The following MLLT10 variants were observed in gnomAD, a reference collection of about 807,000 sequenced individuals.
MLLT10 encodes the protein protein AF-10.
Under a neutral mutation model 129.1 loss-of-function variants are expected in MLLT10, and 30 were observed. The ratio of observed to expected loss-of-function variants is 0.23; its 90% CI spans 0.17 to 0.32. The LOEUF is 0.32. Ranked by LOEUF, MLLT10 falls within the 10% of genes least tolerant of loss-of-function variation. The pLI, the probability that MLLT10 is intolerant of heterozygous loss-of-function variation, is 1.00. For missense variants in MLLT10, 1,119 were observed against 1,268.3 expected (o/e 0.88, Z 1.79); for synonymous variants, 490 against 446.4 (o/e 1.10, Z -1.23).
At chr10:21,708,655 T>A in intron 13 of MLLT10, 1 of 985,266 alleles carries the variant, frequency 1.0e-6, no homozygotes, top group Non-Finnish European at 1.2e-6. Context: ...CGTAATTTCG[T>A]ATGTAAGTAT....
intron 5 of MLLT10, among the ~76,000 whole-genome samples, chr10:21,598,441 G>A (rs2043211152): frequency 6.6e-6 from 1 of 152,102 alleles, no homozygotes; most frequent in African/African-American, 2.4e-5. Context: ...TTTTTGGTGA[G>A]AATAATATTT....
intron 3 of MLLT10, among the ~76,000 whole-genome samples, chr10:21,575,328 C>T (rs1214740189): frequency 6.6e-6 from 1 of 152,004 alleles, no homozygotes. Flanking sequence ...TCCTGGGTAG[C>T]TTAGATTACA....
chr10:21,566,727 A>G (rs560451845), intron 3 of MLLT10, among the ~76,000 whole-genome samples: 2 of 149,428 alleles, frequency 1.3e-5, no homozygotes, highest in African/African-American at 4.9e-5. Context: ...ACCCCAATTC[A>G]CTGTGCCAAA....
chr10:21,733,922 C>T lies in MLLT10; in HGVS notation c.2651C>T (p.Pro884Leu). 6.2e-7 allele frequency: 1 copy of T among 1,614,184 alleles called. No homozygotes were observed. Among genetic ancestry groups the T allele is most frequent in the Non-Finnish European group, 8.5e-7 (1 of 1,180,032 alleles). Reference protein sequence around the residue: ...TVGALASGMQPVTSTIPAVSA... With the variant: ...TVGALASGMQLVTSTIPAVSA... ...GGGGCACTAGCTAGTGGAATGCAGC[C>T]TGTAACTTCCACCATTCCTGCCGTG... Residue 884 changes from proline to leucine, a missense_variant, in exon 20 of 23, where the codon CCT becomes CTT. Around this residue, in one of 5 missense-constraint regions of MLLT10, gnomAD observed 1,004 missense variants for 1,008.7 expected, o/e 1.00. Transcript: ENST00000307729.
At chr10:21,666,997 A>C (rs2050871464) in intron 9 of MLLT10, among the ~76,000 whole-genome samples, 1 of 152,058 alleles carries the variant, frequency 6.6e-6, no homozygotes, top group African/African-American at 2.4e-5. Context: ...TTTAGCATTT[A>C]TTGTAGTGTT....
At chr10:21,696,853 C>T (rs952430435) in intron 13 of MLLT10, among the ~76,000 whole-genome samples, 1 of 151,990 alleles carries the variant, frequency 6.6e-6, no homozygotes, top group Non-Finnish European at 1.5e-5. Context: ...TCTTTCAGGG[C>T]GTCGTCCACA....
chr10:21,735,100 G>C, intron 20 of MLLT10, 39 bp from the exon 21 acceptor site: 1 of 1,420,490 alleles, frequency 7.0e-7, no homozygotes. Context: ...ATGCATTAGA[G>C]GTGTGTAGTA....
intron 13 of MLLT10, chr10:21,708,828 C>A: frequency 1.3e-6 from 1 of 750,842 alleles, no homozygotes; most frequent in Non-Finnish European, 1.6e-6. Context: ...CTGGTAGTTA[C>A]AACAGTGTAC....
chr10:21,652,030 A>C (rs1167517831), intron 9 of MLLT10, among the ~76,000 whole-genome samples: 1 of 147,468 alleles, frequency 6.8e-6, no homozygotes, highest in Non-Finnish European at 1.5e-5. Flanking sequence ...CTTCTGCCTC[A>C]GACTCCCGAG....
chr10:21,542,502 A>AG (rs1209287948), intron 3 of MLLT10, among the ~76,000 whole-genome samples: 1 of 152,228 alleles, frequency 6.6e-6, no homozygotes, highest in African/African-American at 2.4e-5. Flanking sequence ...CCCGGGAGGC[A>AG]GAGGTTGCAG....
intron 11 of MLLT10, among the ~76,000 whole-genome samples, chr10:21,678,606 G>A (rs1373407640): frequency 6.6e-6 from 1 of 152,154 alleles, no homozygotes; most frequent in Non-Finnish European, 1.5e-5. Flanking sequence ...CACTGTGAAG[G>A]TGATGTTTAT....
chr10:21,601,225 C>T (rs1466436752), intron 5 of MLLT10, among the ~76,000 whole-genome samples: 24 of 152,180 alleles, frequency 1.6e-4, no homozygotes, highest in African/African-American at 4.8e-4. Context: ...GAATTACAAG[C>T]GTGAGCCACC....
At chr10:21,625,665 T>C (rs893495506) in intron 8 of MLLT10, 15 of 763,618 alleles carry the variant, frequency 2.0e-5, no homozygotes, top group South Asian at 1.2e-4. Context: ...TCCAGAGTGT[T>C]TTCTTTAGTC....
intron 4 of MLLT10, among the ~76,000 whole-genome samples, chr10:21,586,784 G>C (rs2042025339): frequency 6.6e-6 from 1 of 152,034 alleles, no homozygotes; most frequent in Admixed American, 6.6e-5. Context: ...CTACTTGGGA[G>C]GCTGAGGCAG....
chr10:21,715,052 G>A (rs766777887), intron 14 of MLLT10, among the ~76,000 whole-genome samples: 3 of 152,084 alleles, frequency 2.0e-5, no homozygotes, highest in Non-Finnish European at 4.4e-5. Context: ...TCAAGAAAAT[G>A]GTCACAGGGA....
At chr10:21,670,299 G>T in intron 9 of MLLT10, 150 bp from the exon 10 acceptor site, 2 of 611,442 alleles carry the variant, frequency 3.3e-6, no homozygotes, top group African/African-American at 1.9e-5. Flanking sequence ...AATTGTTTTT[G>T]GATGATTTTC....
chr10:21,580,048 T>C (rs1363333627), intron 3 of MLLT10, among the ~76,000 whole-genome samples: 1 of 151,570 alleles, frequency 6.6e-6, no homozygotes, highest in Non-Finnish European at 1.5e-5. Flanking sequence ...TGAGATCAAG[T>C]CTTGCTCTTT....
At chr10:21,601,241 T>C (rs1214280992) in intron 5 of MLLT10, among the ~76,000 whole-genome samples, 1 of 152,212 alleles carries the variant, frequency 6.6e-6, no homozygotes, top group Non-Finnish European at 1.5e-5. Flanking sequence ...CCACCATGCC[T>C]GGCCTCTTTG....
At chr10:21,608,812 A>T (rs1022501946) in intron 5 of MLLT10, among the ~76,000 whole-genome samples, 1 of 152,156 alleles carries the variant, frequency 6.6e-6, no homozygotes. Context: ...ATAAAATTCA[A>T]ACTCCAGATT....
Sources: allele counts gnomAD v4.1 joint callset (sites outside exome capture counted in the v4.1 genomes callset), GRCh38; gene constraint gnomAD v4.1.1; regional missense constraint gnomAD v4.1.1; transcripts MANE v1.5; gene names NCBI Gene and HGNC (gene_info 2026-07-23, HGNC 2026-07-21).